CCDC171: variants seen among roughly 807,000 people sequenced by gnomAD.
The protein encoded by CCDC171 is coiled-coil domain-containing protein 171.
A neutral mutation model predicts 168.2 loss-of-function variants in CCDC171; 177 were observed. The ratio of observed to expected loss-of-function variants is 1.05; its 90% CI spans 0.93 to 1.19. The LOEUF (loss-of-function observed/expected upper bound fraction) is 1.19. CCDC171 is among the 50% of genes most tolerant of loss of function. CCDC171 has a pLI of 0.00. For missense variants in CCDC171, 1,991 were observed against 1,539.0 expected, an observed-to-expected ratio of 1.29 and a Z score of -4.91; for synonymous variants, 687 against 540.8, an observed-to-expected ratio of 1.27 and a Z score of -3.75.
chr9:15,790,167 A>G (rs2135571977), intron 21 of CCDC171, among the ~76,000 whole-genome samples: 1 of 152,296 alleles, frequency 6.6e-6, no homozygotes, highest in South Asian at 2.1e-4. Context: ...TACTTGAGGA[A>G]TTGCCGCATT....
chr9:15,588,095 C>T (rs565653281), intron 4 of CCDC171, among the ~76,000 whole-genome samples: 5 of 152,116 alleles, frequency 3.3e-5, no homozygotes, highest in South Asian at 4.2e-4. Flanking sequence ...ATTAGCCAGG[C>T]GTGGTGGCAA....
At chr9:15,584,227 T>A (rs1295247925) in intron 4 of CCDC171, among the ~76,000 whole-genome samples, 1 of 152,230 alleles carries the variant, frequency 6.6e-6, no homozygotes, top group Non-Finnish European at 1.5e-5. Flanking sequence ...TCTGGGGTTA[T>A]TGATATTGGT....
intron 21 of CCDC171, among the ~76,000 whole-genome samples, chr9:15,834,654 T>C (rs2060365458): frequency 6.6e-6 from 1 of 152,230 alleles, no homozygotes; most frequent in South Asian, 2.1e-4. Flanking sequence ...TCAGAAAATG[T>C]ATAAAGTAGT....
intron 7 of CCDC171, among the ~76,000 whole-genome samples, chr9:15,627,473 C>T (rs1409960455): frequency 2.0e-5 from 3 of 152,086 alleles, no homozygotes; most frequent in Non-Finnish European, 4.4e-5. Context: ...AAATTTCCCT[C>T]TACACGCTGG....
chr9:16,091,828 T>C, the CCDC171 span, among the ~76,000 whole-genome samples: 1 of 152,258 alleles, frequency 6.6e-6, no homozygotes, highest in East Asian at 1.9e-4. Context: ...AATGACAGAA[T>C]GTGAGAAAGA....
the CCDC171 span, among the ~76,000 whole-genome samples, chr9:16,074,081 A>G: frequency 6.6e-6 from 1 of 151,996 alleles, no homozygotes; most frequent in Non-Finnish European, 1.5e-5. Context: ...GGAGGAGAGG[A>G]TGGGGGTTTC....
chr9:16,066,479 A>G (rs1194134905), downstream of CCDC171, among the ~76,000 whole-genome samples: 1 of 140,422 alleles, frequency 7.1e-6, no homozygotes, highest in Non-Finnish European at 1.5e-5. Flanking sequence ...TTTTTATTAT[A>G]CTTTAAGTTT....
At chr9:15,908,660 A>C (rs1385823510) in intron 24 of CCDC171, among the ~76,000 whole-genome samples, 1 of 152,196 alleles carries the variant, frequency 6.6e-6, no homozygotes, top group African/African-American at 2.4e-5. Flanking sequence ...ATAAAAAAAA[A>C]GAGAAATATC....
At chr9:15,886,675 T>G (rs1350868975) in intron 24 of CCDC171, 2 of 151,996 alleles carry the variant, frequency 1.3e-5, no homozygotes, top group Admixed American at 1.3e-4. Context: ...CCATGTTCAT[T>G]GTAGCATTAT....
the CCDC171 span, among the ~76,000 whole-genome samples, chr9:16,094,934 G>A: frequency 5.9e-5 from 9 of 152,154 alleles, no homozygotes; most frequent in Non-Finnish European, 8.8e-5. Flanking sequence ...GCTGTCTCAT[G>A]AGGGTGAGCA....
rs1252741043 is a variant in CCDC171 at position 15,596,009 on chromosome 9, A to G, written c.675+1837A>G. ...TTGATGGGGTTGTTTTTTTCCTGTA[A>G]ATTTGTTTGAGTTCTTTGTAGATTC... On this transcript the variant is annotated intron_variant, in intron 6 of 25. Transcript: ENST00000380701. 2.0e-5 allele frequency among the ~76,000 whole-genome samples: 3 copies of G among 151,822 alleles called. No homozygotes were observed. The East Asian group carries it at 5.8e-4, about 29-fold the overall frequency.
intron 7 of CCDC171, among the ~76,000 whole-genome samples, chr9:15,637,239 G>C (rs2046268953): frequency 6.6e-6 from 1 of 152,090 alleles, no homozygotes; most frequent in South Asian, 2.1e-4. Context: ...CTGGGCAACA[G>C]AGCAAGACTC....
chr9:16,086,072 C>T, the CCDC171 span, among the ~76,000 whole-genome samples: 45 of 152,220 alleles, frequency 3.0e-4, no homozygotes, highest in African/African-American at 9.1e-4. Flanking sequence ...GCTGTGAGTC[C>T]GTCTGGTCCT....
intron 9 of CCDC171, among the ~76,000 whole-genome samples, 178 bp downstream of exon 9, chr9:15,666,501 C>G (rs1036470534): frequency 6.6e-6 from 1 of 152,058 alleles, no homozygotes; most frequent in African/African-American, 2.4e-5. Context: ...AATGGAAATG[C>G]TCTTTTGGAT....
At chr9:16,103,143 C>T in the CCDC171 span, among the ~76,000 whole-genome samples, 1 of 152,172 alleles carries the variant, frequency 6.6e-6, no homozygotes, top group African/African-American at 2.4e-5. Context: ...CAAGATGGCC[C>T]CTTCCATCCA....
intron 8 of CCDC171, among the ~76,000 whole-genome samples, chr9:15,664,762 G>A (rs1430923821): frequency 1.4e-5 from 2 of 138,892 alleles, no homozygotes; most frequent in African/African-American, 5.6e-5. Flanking sequence ...GCAATGGCGT[G>A]ATCTCGGCTC....
At chr9:15,630,491 G>A (rs147365453) in intron 7 of CCDC171, among the ~76,000 whole-genome samples, 81,980 of 151,906 alleles carry the variant, frequency 0.54, 22,416 homozygotes, top group East Asian at 0.77. Flanking sequence ...CTAAATATAT[G>A]TGCACCCAAT....
chr9:15,778,171 C>A (rs2057438504), intron 19 of CCDC171, among the ~76,000 whole-genome samples: 1 of 151,560 alleles, frequency 6.6e-6, no homozygotes, highest in Non-Finnish European at 1.5e-5. Flanking sequence ...GTGGCGGGCG[C>A]CTGTAGTCCC....
intron 9 of CCDC171, among the ~76,000 whole-genome samples, chr9:15,675,453 GT>G (rs1357994936): frequency 6.6e-6 from 1 of 152,076 alleles, no homozygotes; most frequent in Non-Finnish European, 1.5e-5. Flanking sequence ...AATTGATGCA[GT>G]TTCTTCCTAG....
Sources: allele counts gnomAD v4.1 joint callset (sites outside exome capture counted in the v4.1 genomes callset), GRCh38; gene constraint gnomAD v4.1.1; transcripts MANE v1.5; gene names NCBI Gene and HGNC (gene_info 2026-07-23, HGNC 2026-07-21).